The following MAPKAP1 variants were observed in gnomAD, a reference collection of about 807,000 sequenced individuals.
MAPKAP1 encodes MAPK associated protein 1.
A neutral mutation model predicts 65.7 loss-of-function variants in MAPKAP1; 20 were observed. That is an observed-to-expected ratio of 0.30 (90% CI 0.21 to 0.44). The LOEUF (loss-of-function observed/expected upper bound fraction) is 0.44. Among genes scored for constraint, MAPKAP1 ranks in the 20% least tolerant of loss-of-function variants. MAPKAP1 has a pLI of 1.00. For synonymous variants in MAPKAP1, 222 were observed against 244.3 expected (o/e 0.91, Z 0.85); for missense variants, 423 against 648.0 (o/e 0.65, Z 3.77).
chr9:125,595,914 G>A lies in MAPKAP1; in HGVS notation c.499-10187C>T, dbSNP rs1832111485. 1.1e-5 allele frequency: 14 copies of A among 1,273,328 alleles called. No individual in the cohort carries two copies. The highest frequency in any genetic ancestry group is 1.6e-5 in the Non-Finnish European group (14 of 884,510). The allele number at this position is 1,273,328 out of a possible 1,614,324, so 78.9% of individuals were successfully genotyped here. ...AGGCCACACAAGGTGGATCGGAGTT[G>A]TGGAACCAAAGAGAGCTGTCTCAAG... On this transcript the variant is annotated intron_variant, in intron 4 of 11. Coordinates refer to ENST00000265960, the MANE Select transcript of MAPKAP1 (RefSeq NM_001006617.3). This position sits in a 1 kb window ranked among gnomAD's most constrained non-coding sequence, Gnocchi z 4.0.
chr9:125,646,094 A>G (rs1017795259), intron 4 of MAPKAP1, among the ~76,000 whole-genome samples: 1 of 152,230 alleles, frequency 6.6e-6, no homozygotes, highest in African/African-American at 2.4e-5. Flanking sequence ...GGTATTCCCC[A>G]TATTTTAAAT....
intron 1 of MAPKAP1, among the ~76,000 whole-genome samples, chr9:125,701,463 T>G (rs1835595359): frequency 6.6e-6 from 1 of 152,192 alleles, no homozygotes. Context: ...ATCCGCATAT[T>G]CAGGATGCAA....
intron 8 of MAPKAP1, among the ~76,000 whole-genome samples, chr9:125,503,724 CT>C (rs879499450): frequency 1.4e-3 from 212 of 147,120 alleles, no homozygotes; most frequent in South Asian, 2.8e-3. Context: ...TTCTTTCTTT[CT>C]TTTTTTTTTG....
intron 8 of MAPKAP1, among the ~76,000 whole-genome samples, chr9:125,500,069 T>G (rs1188999262): frequency 3.9e-5 from 6 of 152,228 alleles, no homozygotes; most frequent in African/African-American, 1.4e-4. Context: ...TGAATTTATA[T>G]GTGGAACAAT....
At chr9:125,442,189 T>A (rs1231132985) in intron 11 of MAPKAP1, among the ~76,000 whole-genome samples, 3 of 144,136 alleles carry the variant, frequency 2.1e-5, no homozygotes, top group Non-Finnish European at 4.5e-5. Context: ...TCATCTTCCA[T>A]CAGGCTCATG....
At chr9:125,692,215 A>G (rs1039772337) in intron 1 of MAPKAP1, among the ~76,000 whole-genome samples, 9 of 152,218 alleles carry the variant, frequency 5.9e-5, no homozygotes, top group African/African-American at 2.2e-4. Flanking sequence ...TTTGTATACA[A>G]ATGTTCACAG....
chr9:125,622,527 C>T (rs1295399201), intron 4 of MAPKAP1, among the ~76,000 whole-genome samples: 1 of 151,988 alleles, frequency 6.6e-6, no homozygotes, highest in Non-Finnish European at 1.5e-5. Flanking sequence ...CTCACTGCAA[C>T]CTCTGCCCCC....
At chr9:125,606,908 G>A (rs1832454772) in intron 4 of MAPKAP1, among the ~76,000 whole-genome samples, 1 of 152,176 alleles carries the variant, frequency 6.6e-6, no homozygotes, top group African/African-American at 2.4e-5. Flanking sequence ...CGGCTCATGG[G>A]TAGAAAGTGG....
At chr9:125,545,167 A>G (rs1466535500) in intron 6 of MAPKAP1, among the ~76,000 whole-genome samples, 3 of 152,360 alleles carry the variant, frequency 2.0e-5, no homozygotes, top group South Asian at 2.1e-4. Flanking sequence ...TTACCTCAGA[A>G]GCTGGACCGC....
chr9:125,455,985 CCTT>C (rs1853148122), intron 10 of MAPKAP1, among the ~76,000 whole-genome samples: 2 of 152,204 alleles, frequency 1.3e-5, no homozygotes, highest in Admixed American at 6.5e-5. Context: ...CATTATTTCA[CCTT>C]CCTTTCTGAA....
At chr9:125,587,926 T>C (rs1292442705) in intron 4 of MAPKAP1, among the ~76,000 whole-genome samples, 1 of 152,152 alleles carries the variant, frequency 6.6e-6, no homozygotes, top group African/African-American at 2.4e-5. Context: ...TAGCAAGGAT[T>C]TGTGAGGATA....
At chr9:125,528,206 T>G (rs918928575) in intron 7 of MAPKAP1, among the ~76,000 whole-genome samples, 3 of 152,332 alleles carry the variant, frequency 2.0e-5, no homozygotes, top group African/African-American at 7.2e-5. Context: ...TATTTGGAAC[T>G]TACTGGGGAC....
chr9:125,681,279 T>G (rs1462117006), intron 1 of MAPKAP1, among the ~76,000 whole-genome samples: 2 of 152,226 alleles, frequency 1.3e-5, no homozygotes, highest in East Asian at 3.9e-4. Context: ...TTCTGAACCT[T>G]GGCCTCAAGA....
intron 1 of MAPKAP1, among the ~76,000 whole-genome samples, chr9:125,682,959 CTTTT>C (rs5900668): frequency 2.2e-5 from 3 of 137,538 alleles, no homozygotes; most frequent in Admixed American, 7.3e-5. Context: ...ATTTTAAATT[CTTTT>C]TTTTTTTTTT....
chr9:125,502,717 G>A (rs1049763719), intron 8 of MAPKAP1, among the ~76,000 whole-genome samples: 4 of 152,106 alleles, frequency 2.6e-5, no homozygotes, highest in African/African-American at 9.7e-5. Context: ...GTCAATATTG[G>A]TAAATGTTCA....
chr9:125,472,949 T>A (rs1853973465), intron 9 of MAPKAP1, among the ~76,000 whole-genome samples: 1 of 152,228 alleles, frequency 6.6e-6, no homozygotes, highest in Non-Finnish European at 1.5e-5. Flanking sequence ...CTTTTTGATT[T>A]CCACTTCAGA....
At chr9:125,663,298 G>C (rs1231434811) in intron 3 of MAPKAP1, among the ~76,000 whole-genome samples, 2 of 152,162 alleles carry the variant, frequency 1.3e-5, no homozygotes, top group African/African-American at 2.4e-5. Flanking sequence ...TTCTGCCTCA[G>C]AATCTTTGCA....
At chr9:125,555,493 G>C (rs576455030) in intron 6 of MAPKAP1, among the ~76,000 whole-genome samples, 1 of 152,240 alleles carries the variant, frequency 6.6e-6, no homozygotes, top group African/African-American at 2.4e-5. Context: ...GGGAATAGCC[G>C]GTGTGAGGGC....
At chr9:125,652,889 T>C (rs895205640) in intron 4 of MAPKAP1, among the ~76,000 whole-genome samples, 2 of 152,194 alleles carry the variant, frequency 1.3e-5, no homozygotes, top group African/African-American at 4.8e-5. Context: ...CTGTACTTCT[T>C]CTTTACGACA....
Sources: gnomAD v4.1 joint callset for allele counts (sites outside exome capture counted in the v4.1 genomes callset) on GRCh38, gnomAD v4.1.1 for gene constraint, Gnocchi (gnomAD v3.1) non-coding constraint, MANE v1.5 for transcripts, NCBI Gene and HGNC (gene_info 2026-07-23, HGNC 2026-07-21) for gene names.